SP2: variants seen among roughly 807,000 people sequenced by gnomAD.
The protein encoded by SP2 is Sp2 transcription factor.
Under a neutral mutation model 50.1 loss-of-function variants are expected in SP2, and 9 were observed. The ratio of observed to expected loss-of-function variants is 0.18; its 90% CI spans 0.11 to 0.31. The LOEUF (loss-of-function observed/expected upper bound fraction) is 0.31, where lower values mean the gene tolerates loss of function less well. Ranked by LOEUF, SP2 falls within the 10% of genes least tolerant of loss-of-function variation. The probability of loss-of-function intolerance (pLI) is 1.00; values close to 1 mark genes in which losing one functional copy is unlikely to be tolerated. For synonymous variants in SP2, 313 were observed against 326.6 expected (o/e 0.96, Z 0.45); for missense variants, 581 against 806.5 (o/e 0.72, Z 3.39).
intron 3 of SP2, among the ~76,000 whole-genome samples, chr17:47,920,028 CAG>C (rs1299512741): frequency 6.6e-6 from 1 of 151,132 alleles, no homozygotes; most frequent in Non-Finnish European, 1.5e-5. Context: ...TTAGTAGAGA[CAG>C]GGTTTCACCG....
intron 4 of SP2, 118 bp from the exon 5 acceptor site, chr17:47,924,801 C>A: frequency 1.2e-6 from 1 of 868,996 alleles, no homozygotes; most frequent in Non-Finnish European, 1.8e-6. Flanking sequence ...CAACATACAG[C>A]AGGCTCTCAA....
At position 47,903,962 on chromosome 17, in the gene SP2, C is replaced by CA. The variant is rs1349516268; in HGVS notation, c.7+7681dup. 3.6e-3 allele frequency among the ~76,000 whole-genome samples: 423 copies of CA among 118,508 alleles called. 2 individuals carry two copies. The highest frequency in any genetic ancestry group is 0.011 in the African/African-American group (345 of 30,966). The allele number at this position is 118,508 out of a possible 152,430, so 77.7% of individuals were successfully genotyped here. ...CTGGCAACAGAGCGAGACTTTGTCTCAAAAAAAAAAAAGAAGTAGGCCAGG... is the reference window on the plus strand; with the variant it reads ...CTGGCAACAGAGCGAGACTTTGTCTCAAAAAAAAAAAAAGAAGTAGGCCAGG... On this transcript the variant is annotated intron_variant, in intron 1 of 6. Coordinates refer to ENST00000376741, the MANE Select transcript of SP2 (RefSeq NM_003110.6).
At chr17:47,905,201 T>A (rs2034710246) in intron 1 of SP2, among the ~76,000 whole-genome samples, 1 of 152,242 alleles carries the variant, frequency 6.6e-6, no homozygotes, top group Admixed American at 6.5e-5. Flanking sequence ...GTGAGCTTTC[T>A]TTGAGGTCCA....
intron 1 of SP2, among the ~76,000 whole-genome samples, chr17:47,914,335 C>T (rs1313808379): frequency 6.6e-6 from 1 of 151,064 alleles, no homozygotes; most frequent in Non-Finnish European, 1.5e-5. Flanking sequence ...CGTGCCATTG[C>T]ACTCCAGCCT....
intron 1 of SP2, among the ~76,000 whole-genome samples, chr17:47,910,778 C>T (rs2034951049): frequency 6.6e-6 from 1 of 152,206 alleles, no homozygotes; most frequent in Non-Finnish European, 1.5e-5. Flanking sequence ...TCATCTTTCA[C>T]TTTGCACAGA....
chr17:47,922,867 AG>A, intron 3 of SP2, 94 bp from the exon 4 acceptor site: 1 of 1,048,698 alleles, frequency 9.5e-7, no homozygotes, highest in South Asian at 1.5e-5. Context: ...TTTAGTGGAC[AG>A]GCGCCCCCAG....
At chr17:47,907,665 T>G (rs899499169) in intron 1 of SP2, among the ~76,000 whole-genome samples, 7 of 152,226 alleles carry the variant, frequency 4.6e-5, no homozygotes, top group Non-Finnish European at 7.3e-5. Context: ...GGATGTAAAC[T>G]ACTGTTAAAA....
At chr17:47,898,236 CAGAG>C in intron 1 of SP2, 1 of 152,278 alleles carries the variant, frequency 6.6e-6, no homozygotes, top group South Asian at 2.1e-4. Flanking sequence ...AGAGGCCTGT[CAGAG>C]AGGAGAAAAG....
intron 1 of SP2, among the ~76,000 whole-genome samples, chr17:47,907,124 G>T (rs1400234399): frequency 1.3e-5 from 2 of 152,072 alleles, no homozygotes; most frequent in Non-Finnish European, 2.9e-5. Flanking sequence ...CAGCATGAGC[G>T]CAGTGCCAGG....
intron 1 of SP2, chr17:47,909,786 G>A (rs1273495113): frequency 1.9e-6 from 1 of 536,716 alleles, no homozygotes; most frequent in Non-Finnish European, 2.4e-6. Flanking sequence ...AGATGTCCTT[G>A]AACTCTAATA....
At chr17:47,906,909 A>G (rs1308269509) in intron 1 of SP2, among the ~76,000 whole-genome samples, 1 of 152,140 alleles carries the variant, frequency 6.6e-6, no homozygotes, top group East Asian at 1.9e-4. Flanking sequence ...AGGCATGGTC[A>G]CCCAGGGAAA....
chr17:47,912,486 C>T (rs960810061), intron 1 of SP2, among the ~76,000 whole-genome samples: 18 of 151,370 alleles, frequency 1.2e-4, no homozygotes, highest in African/African-American at 3.9e-4. Flanking sequence ...GCTCCATCAC[C>T]CAGGCTGGAG....
chr17:47,904,996 C>T (rs1471045819), intron 1 of SP2, among the ~76,000 whole-genome samples: 1 of 152,126 alleles, frequency 6.6e-6, no homozygotes, highest in Non-Finnish European at 1.5e-5. Flanking sequence ...AGTCTTGAAC[C>T]CCTGGCCTCA....
chr17:47,921,373 CCAGTA>C (rs2035452001), intron 3 of SP2, among the ~76,000 whole-genome samples: 3 of 152,204 alleles, frequency 2.0e-5, no homozygotes, highest in African/African-American at 7.2e-5. Flanking sequence ...CTCAGCCTCC[CCAGTA>C]GCTGGGATTA....
intron 1 of SP2, chr17:47,898,298 A>AT (rs2034416346): frequency 6.6e-6 from 1 of 152,324 alleles, no homozygotes; most frequent in African/African-American, 2.4e-5. Flanking sequence ...GCTTTATGGC[A>AT]TTTCAGCAAG....
downstream of SP2, chr17:47,929,601 GT>G (rs1284120981): frequency 6.5e-6 from 1 of 152,796 alleles, no homozygotes; most frequent in Middle Eastern, 3.4e-3. Context: ...GTGCCTTTTG[GT>G]TTTAGCAGAT....
intron 1 of SP2, 80 bp downstream of exon 1, chr17:47,896,373 G>T: frequency 2.6e-6 from 3 of 1,161,444 alleles, no homozygotes; most frequent in Non-Finnish European, 3.3e-6. Context: ...GGGAGAGGGA[G>T]CCGAGGCCGG....
rs1199132445 is a variant in SP2, at chr17:47,928,488, C to T, written c.*664C>T. On this transcript the variant is annotated 3_prime_UTR_variant, in exon 7 of 7. Coordinates refer to ENST00000376741, the MANE Select transcript of SP2 (RefSeq NM_003110.6). ...GCTTTAAAGAAGTTTTATTTAATTGCTCCCTTCTTCCTTTCCTTGTTATTC... is the reference window on the plus strand; with the variant it reads ...GCTTTAAAGAAGTTTTATTTAATTGTTCCCTTCTTCCTTTCCTTGTTATTC... 2.0e-5 allele frequency: 3 copies of T among 152,740 alleles called. No homozygotes were observed. The highest frequency in any genetic ancestry group is 2.0e-4 in the Admixed American group (3 of 15,288). The allele number at this position is 152,740 out of a possible 1,614,324, so 9.5% of individuals were successfully genotyped here.
At chr17:47,921,643 C>G (rs2035462272) in intron 3 of SP2, among the ~76,000 whole-genome samples, 1 of 152,222 alleles carries the variant, frequency 6.6e-6, no homozygotes, top group Admixed American at 6.5e-5. Context: ...CCCCTTTAAG[C>G]TGGCTTGTAT....
Sources: gnomAD v4.1 joint callset for allele counts (sites outside exome capture counted in the v4.1 genomes callset) on GRCh38, gnomAD v4.1.1 for gene constraint, MANE v1.5 for transcripts, NCBI Gene and HGNC (gene_info 2026-07-23, HGNC 2026-07-21) for gene names.